Variants in CSMD1 observed in about 807,000 individuals in gnomAD.
CSMD1 encodes CUB and Sushi multiple domains 1.
Under a neutral mutation model 417.5 loss-of-function variants are expected in CSMD1, and 213 were observed. That is an observed-to-expected ratio of 0.51 (90% confidence interval 0.46 to 0.57). The LOEUF (loss-of-function observed/expected upper bound fraction) is 0.57. CSMD1 is among the 20% of genes least tolerant of loss of function. The pLI, the probability that CSMD1 is intolerant of heterozygous loss-of-function variation, is 0.00. For synonymous variants in CSMD1, 2,862 were observed against 1,736.8 expected (o/e 1.65, Z -16.11); for missense variants, 6,923 against 4,529.7 (o/e 1.53, Z -15.17).
intron 5 of CSMD1, among the ~76,000 whole-genome samples, chr8:3,799,340 G>A (rs567487923): frequency 3.5e-4 from 53 of 150,828 alleles, no homozygotes; most frequent in African/African-American, 1.2e-3. Flanking sequence ...CTGGTGTGCT[G>A]CACCCATTAA....
intron 3 of CSMD1, among the ~76,000 whole-genome samples, chr8:4,104,362 T>A (rs1801456948): frequency 6.6e-6 from 1 of 152,134 alleles, no homozygotes; most frequent in South Asian, 2.1e-4. Flanking sequence ...CTGCACACTG[T>A]GAAAAAATGC....
At chr8:3,978,951 C>T (rs539672070) in intron 5 of CSMD1, among the ~76,000 whole-genome samples, 16 of 152,304 alleles carry the variant, frequency 1.1e-4, no homozygotes, top group Non-Finnish European at 1.8e-4. Context: ...CCACAGGTTC[C>T]ACTGTTTTTA....
intron 5 of CSMD1, among the ~76,000 whole-genome samples, chr8:3,808,117 C>G (rs1252121727): frequency 6.6e-6 from 1 of 152,098 alleles, no homozygotes; most frequent in Non-Finnish European, 1.5e-5. Context: ...AGCCACGTCA[C>G]TCAGGAATGC....
chr8:3,676,700 T>C (rs965286622), intron 7 of CSMD1, among the ~76,000 whole-genome samples: 1 of 152,138 alleles, frequency 6.6e-6, no homozygotes. Context: ...TGACTGTCCA[T>C]TTCTATCAAA....
chr8:3,294,307 A>G (rs549383049), intron 25 of CSMD1, among the ~76,000 whole-genome samples: 145 of 152,178 alleles, frequency 9.5e-4, no homozygotes, highest in African/African-American at 3.3e-3. Flanking sequence ...CTGTTCTGAG[A>G]TCTCAAGCTG....
At chr8:4,317,532 C>T (rs1799003551) in intron 3 of CSMD1, among the ~76,000 whole-genome samples, 1 of 152,072 alleles carries the variant, frequency 6.6e-6, no homozygotes, top group African/African-American at 2.4e-5. Flanking sequence ...TTGGCTGTTT[C>T]TTCATTTTCC....
At chr8:3,376,717 A>ATTTAAG (rs1489639655) in intron 18 of CSMD1, among the ~76,000 whole-genome samples, 4 of 152,174 alleles carry the variant, frequency 2.6e-5, no homozygotes, top group African/African-American at 7.2e-5. Context: ...TGTTAAAAAC[A>ATTTAAG]CACTGAACTG....
At chr8:3,559,918 A>C (rs569204379) in intron 10 of CSMD1, among the ~76,000 whole-genome samples, 3 of 152,286 alleles carry the variant, frequency 2.0e-5, no homozygotes, top group East Asian at 3.9e-4. Flanking sequence ...CAAGAGGTGA[A>C]GGAATTATTG....
At chr8:4,520,374 G>A (rs776899915) in intron 2 of CSMD1, among the ~76,000 whole-genome samples, 3 of 152,100 alleles carry the variant, frequency 2.0e-5, no homozygotes, top group Non-Finnish European at 2.9e-5. Context: ...TAGAGAAGAC[G>A]ACTTTTCTTC....
chr8:3,338,731 T>G (rs187800039), intron 23 of CSMD1, among the ~76,000 whole-genome samples: 2,404 of 152,216 alleles, frequency 0.016, 64 homozygotes, highest in African/African-American at 0.054. Context: ...TTTTTTCTTT[T>G]TAAAATAATT....
intron 1 of CSMD1, among the ~76,000 whole-genome samples, chr8:4,646,306 T>C (rs7841173): frequency 0.17 from 25,212 of 152,166 alleles, 4,042 homozygotes; most frequent in African/African-American, 0.41. Context: ...TTCCCAGTGA[T>C]GACACTTCAT....
In CSMD1 at chr8:4,677,204, G is replaced by A. The variant is rs903028676; in HGVS notation, c.86-39646C>T. Reference sequence around the variant, plus strand: ...TATGGTCAGGTAACTATACATAATAGTTCTTAAGTTACTGTAGAAATAATG... The same window carrying A: ...TATGGTCAGGTAACTATACATAATAATTCTTAAGTTACTGTAGAAATAATG... On this transcript the variant is annotated intron_variant, in intron 1 of 69. Transcript: ENST00000635120. Among the ~76,000 whole-genome samples the A allele has an allele frequency of 2.8e-4, 42 of 150,338 alleles. 1 individual carries two copies. The highest frequency in any genetic ancestry group is 1.9e-3 in the Admixed American group (29 of 15,038).
chr8:3,941,047 A>T (rs540745078), intron 5 of CSMD1, among the ~76,000 whole-genome samples: 2 of 152,184 alleles, frequency 1.3e-5, no homozygotes, highest in East Asian at 3.9e-4. Context: ...CAATACATTC[A>T]TATAATCAAA....
chr8:3,579,869 T>C lies in CSMD1; in HGVS notation c.1223-4803A>G, dbSNP rs573927759. Among the ~76,000 whole-genome samples, 3 of 152,254 alleles carry C rather than the reference T, an allele frequency of 2.0e-5. No individual in the cohort carries two copies. The East Asian group carries it at 5.8e-4, about 29-fold the overall frequency. On this transcript the variant is annotated intron_variant, in intron 9 of 69. Transcript: ENST00000635120. Reference sequence around the variant, plus strand: ...CTTTAATTTCAGCATTTTGGAAGGCTGAGGCGGGTGGATTACCTGAGGTCA... The same window carrying C: ...CTTTAATTTCAGCATTTTGGAAGGCCGAGGCGGGTGGATTACCTGAGGTCA...
chr8:3,452,905 C>T (rs1003640296), intron 12 of CSMD1, among the ~76,000 whole-genome samples: 23 of 152,252 alleles, frequency 1.5e-4, no homozygotes, highest in African/African-American at 5.5e-4. Context: ...CCAGCTCCTC[C>T]TTGTATCTCT....
At chr8:3,602,286 C>A (rs1337085224) in intron 8 of CSMD1, among the ~76,000 whole-genome samples, 1 of 152,046 alleles carries the variant, frequency 6.6e-6, no homozygotes, top group Non-Finnish European at 1.5e-5. Flanking sequence ...CCCAGGAAAA[C>A]CAGATCACTT....
At chr8:4,571,136 A>G (rs1352727278) in intron 2 of CSMD1, among the ~76,000 whole-genome samples, 2 of 151,850 alleles carry the variant, frequency 1.3e-5, no homozygotes, top group African/African-American at 4.8e-5. Context: ...TCATGTCTCT[A>G]TCTCCTTCAG....
chr8:4,442,238 G>A (rs936193248), intron 2 of CSMD1, among the ~76,000 whole-genome samples: 4 of 152,030 alleles, frequency 2.6e-5, no homozygotes. Context: ...GTGCAGTGAT[G>A]GCTGTTTATT....
At chr8:3,781,787 T>A (rs1458136907) in intron 5 of CSMD1, among the ~76,000 whole-genome samples, 1 of 152,170 alleles carries the variant, frequency 6.6e-6, no homozygotes, top group Non-Finnish European at 1.5e-5. Flanking sequence ...GCTGAATAAA[T>A]GTTTCCTTTT....
Sources: gnomAD v4.1 joint callset for allele counts (sites outside exome capture counted in the v4.1 genomes callset) on GRCh38, gnomAD v4.1.1 for gene constraint, MANE v1.5 for transcripts, NCBI Gene and HGNC (gene_info 2026-07-23, HGNC 2026-07-21) for gene names.